MGAT4A: variants seen among roughly 807,000 people sequenced by gnomAD.
MGAT4A encodes N-acetylglucosaminyltransferase IVa.
Under a neutral mutation model 74.1 loss-of-function variants are expected in MGAT4A, and 33 were observed. The ratio of observed to expected loss-of-function variants is 0.45; its 90% CI spans 0.34 to 0.60. The LOEUF is 0.60. Ranked by LOEUF, MGAT4A falls within the 20% of genes least tolerant of loss-of-function variation. The probability of loss-of-function intolerance (pLI) is 0.02; values close to 1 mark genes in which losing one functional copy is unlikely to be tolerated. For synonymous variants in MGAT4A, 198 were observed against 210.4 expected, an observed-to-expected ratio of 0.94 and a Z score of 0.51; for missense variants, 479 against 628.3, an observed-to-expected ratio of 0.76 and a Z score of 2.54.
rs1334543708 is a variant in MGAT4A at position 98,731,093 on chromosome 2, T to G, written c.-281A>C. 8.0e-6 allele frequency: 1 copy of G among 124,596 alleles called. No individual in the cohort carries two copies. The highest frequency in any genetic ancestry group is 3.1e-5 in the African/African-American group (1 of 31,850). The allele number at this position is 124,596 out of a possible 1,614,324, so 7.7% of individuals were successfully genotyped here. A position where few individuals can be genotyped will look rare whatever the true frequency, so the allele number is the denominator to read the frequency against. On this transcript the variant is annotated 5_prime_UTR_variant, in exon 1 of 16. Coordinates refer to ENST00000393487, the MANE Select transcript of MGAT4A (RefSeq NM_012214.3). The surrounding 1 kb of genome is among the most constrained non-coding windows in gnomAD (Gnocchi z 4.8). ...CTCCCGCGGCTGCCGGCGGAGCTGC[T>G]GTAGCCGCCGCCGCCGCTGCCGCCG...
At chr2:98,680,705 T>C (rs1297599821) in intron 2 of MGAT4A, among the ~76,000 whole-genome samples, 1 of 152,196 alleles carries the variant, frequency 6.6e-6, no homozygotes, top group Non-Finnish European at 1.5e-5. Context: ...GATCTGGGTG[T>C]CACTCATGGT....
chr2:98,625,637 C>A, intron 15 of MGAT4A, 45 bp from the exon 16 acceptor site: 2 of 1,574,104 alleles, frequency 1.3e-6, no homozygotes, highest in Admixed American at 1.8e-5. Flanking sequence ...TGTTAATTCT[C>A]AATTCCAAAA....
At chr2:98,647,039 T>C (rs936122513) in intron 8 of MGAT4A, among the ~76,000 whole-genome samples, 1 of 152,184 alleles carries the variant, frequency 6.6e-6, no homozygotes, top group Non-Finnish European at 1.5e-5. Context: ...GGTAATCTAA[T>C]AAAGGAAGAA....
At chr2:98,684,898 T>C (rs1702108157) in intron 2 of MGAT4A, among the ~76,000 whole-genome samples, 1 of 152,208 alleles carries the variant, frequency 6.6e-6, no homozygotes, top group South Asian at 2.1e-4. Context: ...TAAAACATTT[T>C]AATATTTATT....
intron 1 of MGAT4A, among the ~76,000 whole-genome samples, chr2:98,728,597 A>T (rs1702798232): frequency 6.6e-6 from 1 of 151,922 alleles, no homozygotes; most frequent in South Asian, 2.1e-4. Context: ...AAAATACAAA[A>T]ATTAGCCAGG....
chr2:98,674,981 A>T (rs989567990), intron 4 of MGAT4A, 54 bp downstream of exon 4: 1 of 1,578,646 alleles, frequency 6.3e-7, no homozygotes, highest in Non-Finnish European at 8.6e-7. Context: ...ATAATAGTCC[A>T]AAACACATTT....
intron 4 of MGAT4A, among the ~76,000 whole-genome samples, chr2:98,663,689 G>A (rs1701785758): frequency 6.6e-6 from 1 of 152,164 alleles, no homozygotes; most frequent in African/African-American, 2.4e-5. Context: ...GGTCATGAAA[G>A]ACAGAGTAAT....
intron 2 of MGAT4A, among the ~76,000 whole-genome samples, chr2:98,716,647 A>G (rs1331386915): frequency 6.6e-6 from 1 of 152,158 alleles, no homozygotes; most frequent in African/African-American, 2.4e-5. Flanking sequence ...ACATAACATC[A>G]ACATCATTTC....
chr2:98,700,145 T>C (rs1418754430), intron 2 of MGAT4A, among the ~76,000 whole-genome samples: 1 of 152,036 alleles, frequency 6.6e-6, no homozygotes, highest in Non-Finnish European at 1.5e-5. Flanking sequence ...ACTACCTGCA[T>C]ATAAGCAGTG....
intron 2 of MGAT4A, among the ~76,000 whole-genome samples, chr2:98,684,235 T>C (rs1199274150): frequency 1.3e-5 from 2 of 152,238 alleles, no homozygotes; most frequent in African/African-American, 2.4e-5. Flanking sequence ...TAATTCCCTA[T>C]TGTCAACATT....
chr2:98,722,733 AC>A (rs879772652), intron 2 of MGAT4A, among the ~76,000 whole-genome samples: 1,792 of 152,340 alleles, frequency 0.012, 17 homozygotes, highest in Middle Eastern at 0.031. Context: ...CTGTTTAAAT[AC>A]ATTTTTGCTG....
chr2:98,695,994 A>C (rs1702268916), intron 2 of MGAT4A, among the ~76,000 whole-genome samples: 1 of 147,292 alleles, frequency 6.8e-6, no homozygotes, highest in South Asian at 2.1e-4. Context: ...TTCTCCTCCC[A>C]CCTCAGCCTC....
intron 4 of MGAT4A, among the ~76,000 whole-genome samples, chr2:98,665,879 C>T (rs1220014881): frequency 1.3e-5 from 2 of 152,192 alleles, no homozygotes; most frequent in African/African-American, 2.4e-5. Context: ...ATGATTTTGA[C>T]ATAGTCAAGA....
rs911510354 is a variant in MGAT4A, at chr2:98,622,530, T to A, written c.*3036A>T. On this transcript the variant is annotated 3_prime_UTR_variant, in exon 16 of 16. Coordinates refer to ENST00000393487, the MANE Select transcript of MGAT4A (RefSeq NM_012214.3). Reference sequence around the variant, plus strand: ...TCTCAAGGCAAAGTATTTACCTTCTTCCAGTTCCAGGGACTCTTCCCCTCC... The same window carrying A: ...TCTCAAGGCAAAGTATTTACCTTCTACCAGTTCCAGGGACTCTTCCCCTCC... 3.6e-5 allele frequency: 35 copies of A among 985,356 alleles called. No individual in the cohort carries two copies. In the African/African-American group the frequency reaches 5.8e-4, roughly 16 times the overall value. The allele number at this position is 985,356 out of a possible 1,614,324, so 61.0% of individuals were successfully genotyped here.
chr2:98,680,464 G>T (rs1020136881), intron 2 of MGAT4A, among the ~76,000 whole-genome samples: 22 of 152,086 alleles, frequency 1.4e-4, no homozygotes, highest in African/African-American at 5.1e-4. Flanking sequence ...TCTGTTCCTT[G>T]TCCCTTACAT....
chr2:98,658,258 T>A lies in MGAT4A; in HGVS notation c.544A>T (p.Ile182Phe), dbSNP rs1701688538. The A allele has an allele frequency of 6.4e-7, 1 of 1,562,348 alleles. No individual in the cohort carries two copies. The highest frequency in any genetic ancestry group is 1.2e-5 in the South Asian group (1 of 84,312). ...VIVVFIGETD[I>F]DYVHGVVANL... ...GCTACAACACCATGTACATAATCAATATCTGTCTGGGAAAGAAAAAAAATG... is the reference window on the plus strand; with the variant it reads ...GCTACAACACCATGTACATAATCAAAATCTGTCTGGGAAAGAAAAAAAATG... The change falls in exon 6 of 16, where the codon ATT becomes TTT. Residue 182 changes from isoleucine to phenylalanine, a missense_variant. Ile to Phe is a conservative substitution (Grantham distance 21). Coordinates refer to ENST00000393487, the MANE Select transcript of MGAT4A (RefSeq NM_012214.3).
At chr2:98,721,578 C>A (rs1702671899) in intron 2 of MGAT4A, among the ~76,000 whole-genome samples, 1 of 151,824 alleles carries the variant, frequency 6.6e-6, no homozygotes, top group Non-Finnish European at 1.5e-5. Context: ...ATAATTATAA[C>A]AATATATTGT....
intron 1 of MGAT4A, chr2:98,730,350 G>A (rs1249572644): frequency 6.6e-6 from 1 of 152,246 alleles, no homozygotes; most frequent in African/African-American, 2.4e-5. Context: ...ACTTGGTGGA[G>A]TCACCGAGAC....
At chr2:98,636,146 C>G (rs183106873) in intron 13 of MGAT4A, among the ~76,000 whole-genome samples, 1 of 151,964 alleles carries the variant, frequency 6.6e-6, no homozygotes, top group Non-Finnish European at 1.5e-5. Context: ...GCGCATGCCA[C>G]GATTCCTGGC....
Sources: allele counts gnomAD v4.1 joint callset (sites outside exome capture counted in the v4.1 genomes callset), GRCh38; gene constraint gnomAD v4.1.1; non-coding constraint Gnocchi (gnomAD v3.1); transcripts MANE v1.5; gene names NCBI Gene and HGNC (gene_info 2026-07-23, HGNC 2026-07-21).